AUTS2: variants seen among roughly 807,000 people sequenced by gnomAD.
AUTS2 encodes autism susceptibility gene 2 protein.
AUTS2 carries 17 observed loss-of-function variants against 112.4 expected under a neutral mutation model. That is an observed-to-expected ratio of 0.15 (90% CI 0.10 to 0.23). The LOEUF (loss-of-function observed/expected upper bound fraction) is 0.23, where lower values mean the gene tolerates loss of function less well. AUTS2 is among the 10% of genes least tolerant of loss of function. The probability of loss-of-function intolerance (pLI) is 1.00; values close to 1 mark genes in which losing one functional copy is unlikely to be tolerated. For synonymous variants in AUTS2, 751 were observed against 702.7 expected, an observed-to-expected ratio of 1.07 and a Z score of -1.09; for missense variants, 1,510 against 1,701.6, an observed-to-expected ratio of 0.89 and a Z score of 1.98.
chr7:70,332,700 C>T (rs574379511), intron 4 of AUTS2, among the ~76,000 whole-genome samples: 1 of 152,100 alleles, frequency 6.6e-6, no homozygotes, highest in Admixed American at 6.6e-5. Flanking sequence ...CTGACAAAAA[C>T]AAGCAATGAG....
chr7:69,733,512 C>G (rs1021686915), intron 1 of AUTS2, among the ~76,000 whole-genome samples: 7 of 152,266 alleles, frequency 4.6e-5, no homozygotes, highest in African/African-American at 1.7e-4. Context: ...AAATCCTCCT[C>G]TGAGAAGGGA....
chr7:70,651,230 G>A (rs1042320803), intron 5 of AUTS2, among the ~76,000 whole-genome samples: 1 of 152,132 alleles, frequency 6.6e-6, no homozygotes, highest in Admixed American at 6.5e-5. Context: ...AGTTAAATAA[G>A]GTACCCAGTG....
chr7:69,717,140 A>G (rs185559886), intron 1 of AUTS2, among the ~76,000 whole-genome samples: 1 of 152,290 alleles, frequency 6.6e-6, no homozygotes, highest in East Asian at 1.9e-4. Flanking sequence ...TTTGTTTCCA[A>G]AGTTTTTTTC....
In AUTS2 at chr7:70,556,048, C is replaced by T. The variant is rs570943676; in HGVS notation, c.690+120267C>T. On this transcript the variant is annotated intron_variant, in intron 5 of 18. Coordinates refer to ENST00000342771, the MANE Select transcript of AUTS2 (RefSeq NM_015570.4). ...GTCTTGATCTCCTGACCTTGTAATC[C>T]GCCTGCCTTGGCCTCCCAAAGTGCT... 4.6e-5 allele frequency among the ~76,000 whole-genome samples: 7 copies of T among 152,242 alleles called. No homozygotes were observed. The South Asian group carries it at 1.0e-3, about 23-fold the overall frequency.
intron 2 of AUTS2, among the ~76,000 whole-genome samples, chr7:70,020,230 G>A (rs1209604079): frequency 1.4e-4 from 22 of 152,148 alleles, no homozygotes; most frequent in African/African-American, 5.1e-4. Flanking sequence ...AAGGCATTTA[G>A]TAGAATGCAA....
chr7:69,923,618 T>G (rs1246417366), intron 2 of AUTS2, among the ~76,000 whole-genome samples: 2 of 152,230 alleles, frequency 1.3e-5, no homozygotes, highest in East Asian at 3.8e-4. Flanking sequence ...TAGATCTTAC[T>G]TATTTCCTTC....
chr7:70,329,791 G>A (rs191462747), intron 4 of AUTS2, among the ~76,000 whole-genome samples: 24 of 151,936 alleles, frequency 1.6e-4, no homozygotes, highest in African/African-American at 5.8e-4. Flanking sequence ...TGTTTATTCT[G>A]TTGTAACAAA....
At chr7:70,788,198 T>C (rs1791643329) in intron 18 of AUTS2, among the ~76,000 whole-genome samples, 1 of 152,184 alleles carries the variant, frequency 6.6e-6, no homozygotes, top group Admixed American at 6.5e-5. Flanking sequence ...AATGCACAAA[T>C]ATGCTTGACA....
chr7:69,744,248 A>G (rs1787391710), intron 1 of AUTS2, among the ~76,000 whole-genome samples: 2 of 152,160 alleles, frequency 1.3e-5, no homozygotes, highest in Non-Finnish European at 2.9e-5. Flanking sequence ...TGGGGCTGCT[A>G]TAAGTGAGCT....
At chr7:69,630,946 G>T (rs1794203208) in intron 1 of AUTS2, among the ~76,000 whole-genome samples, 1 of 151,276 alleles carries the variant, frequency 6.6e-6, no homozygotes, top group Admixed American at 6.6e-5. Flanking sequence ...CTTCTCTGTG[G>T]TCCGAATATC....
chr7:70,328,797 G>A (rs907240506), intron 4 of AUTS2, among the ~76,000 whole-genome samples: 11 of 152,148 alleles, frequency 7.2e-5, no homozygotes, highest in Admixed American at 4.6e-4. Context: ...TGAAATTCAC[G>A]TAATATAAAA....
intron 4 of AUTS2, among the ~76,000 whole-genome samples, chr7:70,208,092 T>C (rs1378748187): frequency 6.6e-6 from 1 of 151,910 alleles, no homozygotes; most frequent in Non-Finnish European, 1.5e-5. Context: ...TCATATGTAT[T>C]GTATCTGCTT....
intron 1 of AUTS2, among the ~76,000 whole-genome samples, chr7:69,787,896 G>A (rs1225935920): frequency 1.3e-5 from 2 of 152,124 alleles, no homozygotes; most frequent in Non-Finnish European, 2.9e-5. Context: ...TTTGGCACCA[G>A]TTTTACCTAC....
At chr7:70,777,678 T>C (rs1394500057) in intron 14 of AUTS2, among the ~76,000 whole-genome samples, 2 of 152,174 alleles carry the variant, frequency 1.3e-5, no homozygotes, top group East Asian at 3.8e-4. Flanking sequence ...CTAGTGAAAT[T>C]ACAAAACAAA....
intron 4 of AUTS2, among the ~76,000 whole-genome samples, chr7:70,219,972 T>C (rs1344193888): frequency 6.6e-6 from 1 of 152,224 alleles, no homozygotes; most frequent in Non-Finnish European, 1.5e-5. Context: ...GTCTAAGACA[T>C]ACATTCTAGG....
At chr7:70,173,145 G>A (rs769282751) in intron 4 of AUTS2, among the ~76,000 whole-genome samples, 8 of 152,100 alleles carry the variant, frequency 5.3e-5, no homozygotes, top group Non-Finnish European at 7.4e-5. Context: ...TTGGGAGGCC[G>A]AGGTAGGTGG....
Position 70,245,849 on chromosome 7 carries a change from A to C in AUTS2, c.660+111278A>C, listed in dbSNP as rs570161387. Among the ~76,000 whole-genome samples, 7 of 152,204 alleles carry C rather than the reference A, an allele frequency of 4.6e-5. No individual in the cohort carries two copies. In the South Asian group the frequency reaches 1.2e-3, roughly 27 times the overall value. On this transcript the variant is annotated intron_variant, in intron 4 of 18. Transcript: ENST00000342771. ...AATTAATTGTACCAATTTCCACTCT[A>C]ACTAGCAGTGTAGAATTGTTGCCAT...
At chr7:70,686,017 C>T (rs1297774973) in intron 5 of AUTS2, among the ~76,000 whole-genome samples, 2 of 152,314 alleles carry the variant, frequency 1.3e-5, no homozygotes, top group East Asian at 3.9e-4. Context: ...GCCCCAGCAC[C>T]ATCTCCCCCA....
intron 1 of AUTS2, among the ~76,000 whole-genome samples, chr7:69,634,741 C>G (rs186403024): frequency 1.6e-4 from 24 of 152,238 alleles, no homozygotes; most frequent in African/African-American, 5.5e-4. Flanking sequence ...ACTCCTACTC[C>G]CATTGGAGAC....
Sources: gnomAD v4.1 joint callset for allele counts (sites outside exome capture counted in the v4.1 genomes callset) on GRCh38, gnomAD v4.1.1 for gene constraint, MANE v1.5 for transcripts, NCBI Gene and HGNC (gene_info 2026-07-23, HGNC 2026-07-21) for gene names.